The following TTN variants were observed in gnomAD, a reference collection of about 807,000 sequenced individuals.
TTN encodes titin.
Under a neutral mutation model 3,223.0 loss-of-function variants are expected in TTN, and 1,525 were observed. The observed-to-expected ratio is 0.47, with a 90% CI of 0.45 to 0.49. The LOEUF is 0.49. Ranked by LOEUF, TTN falls within the 20% of genes least tolerant of loss-of-function variation. The pLI is 0.00. For synonymous variants in TTN, 14,094 were observed against 15,161.0 expected (o/e 0.93, Z 5.17); for missense variants, 40,786 against 43,424.0 (o/e 0.94, Z 5.40).
chr2:178,609,552 A>G lies in TTN; in HGVS notation c.51758T>C (p.Leu17253Pro). The G allele has an allele frequency of 1.2e-6, 2 of 1,609,026 alleles. No individual in the cohort carries two copies. Among genetic ancestry groups the G allele is most frequent in the Non-Finnish European group, 1.7e-6 (2 of 1,177,028 alleles). Residue 17253 changes from leucine (L) to proline (P), a missense_variant, in exon 273 of 363, where the codon CTG becomes CCG. Coordinates refer to ENST00000589042, the MANE Select transcript of TTN (RefSeq NM_001267550.2). ...VDPIDAPKVI[L>P]RTSLEVKRGD... Reference sequence around the variant, plus strand: ...TCGTTTCACTTCTAGGCTTGTTCTCAGAATGACTTTGGGGGCATCTATAGT... The same window carrying G: ...TCGTTTCACTTCTAGGCTTGTTCTCGGAATGACTTTGGGGGCATCTATAGT...
At chr2:178,677,465 C>T (rs1335325250) in intron 146 of TTN, 156 bp downstream of exon 146, 2 of 781,696 alleles carry the variant, frequency 2.6e-6, no homozygotes, top group Admixed American at 6.6e-5. Flanking sequence ...GGCAGATACA[C>T]AATAAGAACA....
At chr2:178,766,306 A>G (rs1192800269) in intron 41 of TTN, 75 bp downstream of exon 41, 15 of 1,227,418 alleles carry the variant, frequency 1.2e-5, no homozygotes, top group Non-Finnish European at 1.8e-5. Context: ...TTCAAGTTAC[A>G]AGAATTTAGT....
chr2:178,760,815 T>C (rs143341692), intron 43 of TTN: 8 of 151,346 alleles, frequency 5.3e-5, no homozygotes, highest in South Asian at 2.1e-4. Flanking sequence ...TGATATAACA[T>C]GAAACACCAC....
intron 69 of TTN, 88 bp downstream of exon 69, chr2:178,727,002 A>G: frequency 1.6e-6 from 2 of 1,243,304 alleles, no homozygotes; most frequent in Non-Finnish European, 1.0e-6. Context: ...AATGGAAACT[A>G]AAATGATAGT....
In TTN at chr2:178,671,141, G is replaced by A; in HGVS notation, c.35257C>T (p.Pro11753Ser). 1 of 1,603,678 alleles carries A rather than the reference G, an allele frequency of 6.2e-7. No individual in the cohort carries two copies. The highest frequency in any genetic ancestry group is 8.5e-7 in the Non-Finnish European group (1 of 1,175,710). Residue 11753 changes from proline to serine, a missense_variant, in exon 156 of 363, where the codon CCA becomes TCA. Physicochemically the swap from Pro to Ser is moderately conservative, Grantham distance 74 (BLOSUM62 -1). Transcript: ENST00000589042. ...GPEISEKIIP[P>S]KKPPTKVVPR... ...ACAACTTTAGTGGGCGGTTTTTTTGGAGGGATGATTTTCTCAGATATCTCA... is the reference window on the plus strand; with the variant it reads ...ACAACTTTAGTGGGCGGTTTTTTTGAAGGGATGATTTTCTCAGATATCTCA...
chr2:178,587,923 C>G lies in TTN; in HGVS notation c.63484G>C (p.Ala21162Pro). 4 of 1,598,922 alleles carry G rather than the reference C, an allele frequency of 2.5e-6. No individual in the cohort carries two copies. Among genetic ancestry groups the G allele is most frequent in the Non-Finnish European group, 3.4e-6 (4 of 1,170,644 alleles). ...CCTAGTATTTCTTTAGGTTTGATAGCTTCCTTTAGCTCTGCAGGGCGCCCA... is the reference window on the plus strand; with the variant it reads ...CCTAGTATTTCTTTAGGTTTGATAGGTTCCTTTAGCTCTGCAGGGCGCCCA... ...GIGRPAELKE[A>P]IKPKEILEPP... Residue 21162 changes from alanine to proline, a missense_variant, in exon 305 of 363, where the codon GCT (alanine) becomes CCT (proline). By Grantham distance (27) the Ala-to-Pro change is conservative. Coordinates refer to ENST00000589042, the MANE Select transcript of TTN (RefSeq NM_001267550.2).
chr2:178,714,453 C>T lies in TTN; in HGVS notation c.26321G>A (p.Gly8774Glu). Reference protein sequence around the residue: ...PISVVWFKDKGEIVRESDNIW... With the variant: ...PISVVWFKDKEEIVRESDNIW... ...GTTGTCACTTTCTCTAACGATTTCT[C>T]CCTTATCTTTGAACCACACCACTGA... The change falls in exon 91 of 363, where the codon GGA (glycine) becomes GAA (glutamate). Residue 8774 changes from glycine (G) to glutamate (E), a missense_variant. Gly to Glu is a moderately conservative substitution (Grantham distance 98). Transcript: ENST00000589042. 1 of 1,613,612 alleles carries T rather than the reference C, an allele frequency of 6.2e-7. No homozygotes were observed.
Position 178,725,362 on chromosome 2 carries a change from A to T in TTN, c.20836+6T>A. 1 of 1,517,620 alleles carries T rather than the reference A, an allele frequency of 6.6e-7. No individual in the cohort carries two copies. The highest frequency in any genetic ancestry group is 8.8e-7 in the Non-Finnish European group (1 of 1,130,562). 94.0% of individuals were successfully genotyped at this position (1,517,620 alleles called of 1,614,324 possible). A position where few individuals can be genotyped will look rare whatever the true frequency, so the allele number is the denominator to read the frequency against. On this transcript the variant is annotated splice_donor_region_variant and intron_variant, in intron 71 of 362. Transcript: ENST00000589042. ...ACCAGTTTCTATCGTGGGCTATTGT[A>T]CCAACCTAAGACCATCAGTGTGGCC...
Position 178,710,789 on chromosome 2 carries a change from T to C in TTN, c.28308A>G (p.Glu9436=), listed in dbSNP as rs906433178. The C allele has an allele frequency of 6.2e-7, 1 of 1,613,928 alleles. No individual in the cohort carries two copies. Among genetic ancestry groups the C allele is most frequent in the Non-Finnish European group, 8.5e-7 (1 of 1,179,832 alleles). ...TCTGGTACTTTCCGCCACTTCGTAT[T>C]TCTCTGCTGTCTTTGGCCCAGCTGA... ...IKVSWAKDSR[E]IRSGGKYQIS... is the part of the protein sequence containing the mutation. The change falls in exon 98 of 363, where the codon GAA becomes GAG. Residue 9436 remains glutamate, a synonymous_variant. Transcript: ENST00000589042.
chr2:178,568,607 G>A lies in TTN; in HGVS notation c.77525C>T (p.Thr25842Ile). 6.2e-7 allele frequency: 1 copy of A among 1,613,378 alleles called. No individual in the cohort carries two copies. The highest frequency in any genetic ancestry group is 8.5e-7 in the Non-Finnish European group (1 of 1,179,532). ...TKDGLPLKQT[T>I]RINVTDSLDL... ...CAGTGAATCGGTAACATTGATTCTT[G>A]TGGTCTGCTTCAGTGGGAGACCATC... Residue 25842 changes from threonine (T) to isoleucine (I), a missense_variant, in exon 326 of 363, where the codon ACA becomes ATA. Transcript: ENST00000589042.
chr2:178,766,572 T>A lies in TTN; in HGVS notation c.9512A>T (p.Asn3171Ile), dbSNP rs139992576. The change falls in exon 41 of 363, where the codon AAT (asparagine) becomes ATT (isoleucine). Residue 3171 changes from asparagine to isoleucine, a missense_variant. By Grantham distance (149) the Asn-to-Ile change is moderately radical. Transcript: ENST00000589042. Reference protein sequence around the residue: ...KQRAVVEFEVNEDDVDAHWYK... With the variant: ...KQRAVVEFEVIEDDVDAHWYK... Reference sequence around the variant, plus strand: ...CCAGTGGGCATCAACATCGTCTTCATTGACCTCAAATTCAACAACAGCACG... The same window carrying A: ...CCAGTGGGCATCAACATCGTCTTCAATGACCTCAAATTCAACAACAGCACG... 3.7e-6 allele frequency: 6 copies of A among 1,614,088 alleles called. No homozygotes were observed. The South Asian group carries it at 6.6e-5, about 18-fold the overall frequency.
Position 178,756,416 on chromosome 2 carries a change from G to A in TTN, c.11060C>T (p.Ser3687Phe). 6.2e-7 allele frequency: 1 copy of A among 1,613,774 alleles called. No homozygotes were observed. The highest frequency in any genetic ancestry group is 8.5e-7 in the Non-Finnish European group (1 of 1,179,812). ...GTGAGTCCAGGTTACATCAATGAAAGAATCATCTTTTAAAACACAGAGGAA... is the reference window on the plus strand; with the variant it reads ...GTGAGTCCAGGTTACATCAATGAAAAAATCATCTTTTAAAACACAGAGGAA... ...AQFLCVLKDDSFIDVTWTHEG... is the reference protein window; with the variant it reads ...AQFLCVLKDDFFIDVTWTHEG... Residue 3687 changes from serine (S) to phenylalanine (F), a missense_variant, in exon 46 of 363, where the codon TCT becomes TTT. Physicochemically the swap from Ser to Phe is radical, Grantham distance 155 (BLOSUM62 -2). Transcript: ENST00000589042.
chr2:178,705,501 A>G, intron 102 of TTN, 144 bp from the exon 103 acceptor site: 1 of 706,430 alleles, frequency 1.4e-6, no homozygotes, highest in Non-Finnish European at 2.1e-6. Context: ...GTTAGCTGTG[A>G]AACAATTTAA....
rs771632040 is a variant in TTN at position 178,776,237 on chromosome 2, A to T, written c.5627T>A (p.Leu1876His). Residue 1876 changes from leucine to histidine, a missense_variant, in exon 28 of 363, where the codon CTC becomes CAC. Leu to His is a moderately conservative substitution (Grantham distance 99). Transcript: ENST00000589042. ...GYPQPKVNWY[L>H]NGQLIRKSKR... The stretch of plus-strand genomic sequence containing the variant: ...GCTTTTGCGGATGAGCTGTCCATTG[A>T]GGTACCAGTTGACTTTGGGCTGAGG... The T allele has an allele frequency of 2.5e-6, 4 of 1,614,180 alleles. No homozygotes were observed. The South Asian group carries it at 3.3e-5, about 13-fold the overall frequency.
intron 47 of TTN, chr2:178,746,907 C>A: frequency 6.2e-7 from 1 of 1,613,450 alleles, no homozygotes; most frequent in Non-Finnish European, 8.5e-7. Flanking sequence ...CCAAATGAAT[C>A]GGAACGCCAT....
intron 137 of TTN, 48 bp from the exon 138 acceptor site, chr2:178,681,219 T>C (rs1275982820): frequency 1.3e-6 from 2 of 1,517,696 alleles, no homozygotes; most frequent in East Asian, 4.5e-5. Context: ...ACTCCTTGAA[T>C]ACTATGTAAT....
rs1411214740 is a variant in TTN, at chr2:178,599,658, G to C, written c.56243C>G (p.Thr18748Ser). Residue 18748 changes from threonine (T) to serine (S), a missense_variant, in exon 289 of 363, where the codon ACT becomes AGT. Coordinates refer to ENST00000589042, the MANE Select transcript of TTN (RefSeq NM_001267550.2). ...VNKLVVDDTC[T>S]LVIPQSRRSD... is the part of the protein sequence containing the mutation. ...CCTGCGAGACTGCGGAATAACTAAA[G>C]TGCAAGTATCATCTACCACCAGTTT... is the stretch of plus-strand genomic sequence containing the variant. The C allele has an allele frequency of 6.2e-7, 1 of 1,613,006 alleles. No individual in the cohort carries two copies. Among genetic ancestry groups the C allele is most frequent in the African/African-American group, 1.3e-5 (1 of 74,972 alleles).
In TTN at chr2:178,740,364, AG is replaced by A; in HGVS notation, c.12868del (p.Leu4290Ter). 1 of 1,613,622 alleles carries A rather than the reference AG, an allele frequency of 6.2e-7. No individual in the cohort carries two copies. Among genetic ancestry groups the A allele is most frequent in the Non-Finnish European group, 8.5e-7 (1 of 1,179,760 alleles). ...TGTGCATGAGTGTTCTGAAGGGACT[AG>A]GGGCTCATAGTTTACCTGAGAGATC... ...VMISQVNYEP[L>X]VPSEHSCTEG... On this transcript the variant is annotated frameshift_variant, in exon 48 of 363. Coordinates refer to ENST00000589042, the MANE Select transcript of TTN (RefSeq NM_001267550.2). LOFTEE classifies it high-confidence loss of function.
chr2:178,541,987 CTT>C, intron 349 of TTN: 1 of 317,804 alleles, frequency 3.1e-6, no homozygotes, highest in Non-Finnish European at 5.7e-6. Context: ...TCCCTTCTCT[CTT>C]TTCTTCCTTC....
Sources: gnomAD v4.1 joint callset for allele counts on GRCh38, gnomAD v4.1.1 for gene constraint, MANE v1.5 for transcripts, NCBI Gene and HGNC (gene_info 2026-07-23, HGNC 2026-07-21) for gene names.